The following PTP4A2 variants were observed in gnomAD, a reference collection of about 807,000 sequenced individuals.
The protein encoded by PTP4A2 is protein tyrosine phosphatase type IVA 2.
A neutral mutation model predicts 22.9 loss-of-function variants in PTP4A2; 2 were observed. That is an observed-to-expected ratio of 0.09 (90% CI 0.04 to 0.27). PTP4A2 has a LOEUF of 0.27. Ranked by LOEUF, PTP4A2 falls within the 10% of genes least tolerant of loss-of-function variation. PTP4A2 has a pLI of 1.00. For synonymous variants in PTP4A2, 68 were observed against 69.1 expected (o/e 0.98, Z 0.08); for missense variants, 103 against 205.1 (o/e 0.50, Z 3.04).
intron 5 of PTP4A2, 71 bp downstream of exon 5, chr1:31,909,967 C>A: frequency 7.5e-7 from 1 of 1,332,134 alleles, no homozygotes; most frequent in Non-Finnish European, 1.1e-6. Flanking sequence ...AAATGAATAT[C>A]CCTTCCATAA....
chr1:31,926,901 A>C (rs559693046), intron 1 of PTP4A2, among the ~76,000 whole-genome samples: 1 of 152,294 alleles, frequency 6.6e-6, no homozygotes, highest in South Asian at 2.1e-4. Context: ...TTTATCCAAG[A>C]GCTGAGAGTG....
chr1:31,919,897 C>G (rs1446246129), intron 1 of PTP4A2, among the ~76,000 whole-genome samples: 2 of 151,212 alleles, frequency 1.3e-5, no homozygotes, highest in African/African-American at 2.4e-5. Context: ...GAGGCTGAGG[C>G]AGGCAGATCA....
In PTP4A2 at chr1:31,907,228, A is replaced by T. The variant is rs1651217354; in HGVS notation, c.*1624T>A. 3 of 152,250 alleles carry T rather than the reference A, an allele frequency of 2.0e-5. No homozygotes were observed. Among genetic ancestry groups the T allele is most frequent in the Admixed American group, 2.0e-4 (3 of 15,272 alleles). The allele number at this position is 152,250 out of a possible 1,614,324, so 9.4% of individuals were successfully genotyped here. A position where few individuals can be genotyped will look rare whatever the true frequency, so the allele number is the denominator to read the frequency against. ...CTGCACAGCAAATTCCAGCAGGACAAGATGACTTTAAGCCCGTATTCAGAG... is the reference window on the plus strand; with the variant it reads ...CTGCACAGCAAATTCCAGCAGGACATGATGACTTTAAGCCCGTATTCAGAG... On this transcript the variant is annotated 3_prime_UTR_variant, in exon 6 of 6. Coordinates refer to ENST00000647444, the MANE Select transcript of PTP4A2 (RefSeq NM_080391.4).
chr1:31,912,754 A>G, intron 3 of PTP4A2, among the ~76,000 whole-genome samples: 1 of 152,178 alleles, frequency 6.6e-6, no homozygotes, highest in East Asian at 1.9e-4. Flanking sequence ...GGCTATTCTA[A>G]TGAGATTGGA....
chr1:31,925,759 CA>C (rs67546696), intron 1 of PTP4A2, among the ~76,000 whole-genome samples: 9,208 of 135,656 alleles, frequency 0.068, 421 homozygotes, highest in East Asian at 0.24. Flanking sequence ...GACTCCATCT[CA>C]AAAAAAAAAA....
chr1:31,913,949 T>G (rs910029326), intron 3 of PTP4A2: 2 of 452,944 alleles, frequency 4.4e-6, no homozygotes, highest in African/African-American at 4.0e-5. Context: ...ATTACTACTT[T>G]TTAAACACAG....
Position 31,911,945 on chromosome 1 carries a change from A to G in PTP4A2, c.190-119T>C, listed in dbSNP as rs192233655. The stretch of plus-strand genomic sequence containing the variant: ...TAACTGAACTAACTGCACTATATAT[A>G]CCTATTGTTAACACAATTCTGATCA... On this transcript the variant is annotated intron_variant, in intron 3 of 5. Transcript: ENST00000647444. The G allele has an allele frequency of 2.3e-3, 1,278 of 549,200 alleles. 11 individuals are homozygous for G. The South Asian group carries it at 0.027, about 12-fold the overall frequency. The allele number at this position is 549,200 out of a possible 1,614,324, so 34.0% of individuals were successfully genotyped here.
chr1:31,933,694 G>C (rs1313191193), intron 1 of PTP4A2: 1 of 152,278 alleles, frequency 6.6e-6, no homozygotes, highest in Non-Finnish European at 1.5e-5. Context: ...CTGCACTCCA[G>C]CCTGGGCAAC....
intron 2 of PTP4A2, 129 bp from the exon 3 acceptor site, chr1:31,916,116 G>A: frequency 5.3e-6 from 3 of 565,502 alleles, no homozygotes; most frequent in South Asian, 2.5e-5. Context: ...GAGGCCTGAG[G>A]CGGGCATATC....
intron 1 of PTP4A2, among the ~76,000 whole-genome samples, chr1:31,932,867 G>A (rs904162266): frequency 6.6e-5 from 10 of 152,190 alleles, no homozygotes; most frequent in Non-Finnish European, 1.3e-4. Context: ...GGCTTCAAGT[G>A]CCAAGACAGT....
At chr1:31,914,449 TAA>T (rs1358999295) in intron 3 of PTP4A2, 1 of 344,720 alleles carries the variant, frequency 2.9e-6, no homozygotes, top group East Asian at 8.4e-5. Flanking sequence ...GGATCAGATA[TAA>T]GAGGACTGCC....
chr1:31,910,201 G>T, intron 4 of PTP4A2, 89 bp from the exon 5 acceptor site: 1 of 933,374 alleles, frequency 1.1e-6, no homozygotes. Flanking sequence ...CCAATGCAAC[G>T]CATGAGCTTT....
chr1:31,918,700 A>G (rs1162838964), intron 2 of PTP4A2, among the ~76,000 whole-genome samples: 1 of 152,198 alleles, frequency 6.6e-6, no homozygotes, highest in African/African-American at 2.4e-5. Context: ...GTGGTCAATA[A>G]ATGTTAATTA....
At chr1:31,930,074 C>G (rs938175196) in intron 1 of PTP4A2, among the ~76,000 whole-genome samples, 1 of 152,102 alleles carries the variant, frequency 6.6e-6, no homozygotes, top group Non-Finnish European at 1.5e-5. Flanking sequence ...CGTGGTGGCT[C>G]ACGCCTGTAA....
chr1:31,917,143 G>A (rs1651890382), intron 2 of PTP4A2, among the ~76,000 whole-genome samples: 2 of 152,172 alleles, frequency 1.3e-5, no homozygotes, highest in South Asian at 4.1e-4. Flanking sequence ...TGGAGACTAT[G>A]GCCAAGGAAT....
chr1:31,935,337 C>G (rs1289016659), intron 1 of PTP4A2, among the ~76,000 whole-genome samples: 1 of 152,162 alleles, frequency 6.6e-6, no homozygotes, highest in African/African-American at 2.4e-5. Flanking sequence ...AAAAGCCTAG[C>G]TTAGGCCCCA....
intron 1 of PTP4A2, among the ~76,000 whole-genome samples, chr1:31,927,500 A>G (rs374545484): frequency 6.6e-6 from 1 of 152,192 alleles, no homozygotes; most frequent in African/African-American, 2.4e-5. Flanking sequence ...ACATGTACAC[A>G]CTGAACCTAA....
chr1:31,910,431 AGGT>A, intron 4 of PTP4A2: 1 of 205,658 alleles, frequency 4.9e-6, no homozygotes, highest in South Asian at 1.1e-4. Context: ...CTCGGACTAT[AGGT>A]GCCCGCCACC....
Position 31,908,273 on chromosome 1 carries a change from G to C in PTP4A2, c.*579C>G, listed in dbSNP as rs1261895104. On this transcript the variant is annotated 3_prime_UTR_variant, in exon 6 of 6. Transcript: ENST00000647444. ...TTTTTATCTAAAAGTGCCCAGGTGG[G>C]CTTAAGGCTGCCAGACTGCACGCAC... 1.5e-5 allele frequency: 2 copies of C among 131,892 alleles called. No individual in the cohort carries two copies. The highest frequency in any genetic ancestry group is 5.7e-5 in the African/African-American group (2 of 34,876). 8.2% of individuals were successfully genotyped at this position (131,892 alleles called of 1,614,324 possible).
Sources: gnomAD v4.1 joint callset for allele counts (sites outside exome capture counted in the v4.1 genomes callset) on GRCh38, gnomAD v4.1.1 for gene constraint, MANE v1.5 for transcripts, NCBI Gene and HGNC (gene_info 2026-07-23, HGNC 2026-07-21) for gene names.